The following SAMTOR variants were observed in gnomAD, a reference collection of about 807,000 sequenced individuals.
The protein encoded by SAMTOR is S-adenosylmethionine sensor upstream of mTORC1.
the SAMTOR span, among the ~76,000 whole-genome samples, chr7:112,828,398 A>G: frequency 1.3e-5 from 2 of 152,110 alleles, no homozygotes; most frequent in African/African-American, 4.8e-5. Flanking sequence ...TCTTTGGTTT[A>G]TAGATGCATC....
At chr7:112,912,780 AT>A in the SAMTOR span, among the ~76,000 whole-genome samples, 1 of 152,122 alleles carries the variant, frequency 6.6e-6, no homozygotes, top group Non-Finnish European at 1.5e-5. Flanking sequence ...TACATAAAAA[AT>A]GACCTCATGT....
the SAMTOR span, chr7:112,819,422 T>C: frequency 6.6e-6 from 1 of 152,202 alleles, no homozygotes; most frequent in Non-Finnish European, 1.5e-5. Context: ...GGAGTACCCA[T>C]ACAGTATTAG....
chr7:112,835,790 C>T, the SAMTOR span, among the ~76,000 whole-genome samples: 1 of 152,240 alleles, frequency 6.6e-6, no homozygotes, highest in Non-Finnish European at 1.5e-5. Context: ...CCAGCTCCAT[C>T]CATGTTGCTA....
At chr7:112,884,763 G>C in the SAMTOR span, among the ~76,000 whole-genome samples, 3 of 152,178 alleles carry the variant, frequency 2.0e-5, no homozygotes, top group Non-Finnish European at 4.4e-5. Flanking sequence ...GCTGCTGGTG[G>C]ATCTAACCAT....
At chr7:112,852,220 G>A in the SAMTOR span, among the ~76,000 whole-genome samples, 1 of 152,042 alleles carries the variant, frequency 6.6e-6, no homozygotes, top group African/African-American at 2.4e-5. Context: ...ATCAATAAAT[G>A]GCTAAATACA....
chr7:112,858,821 T>G, the SAMTOR span, among the ~76,000 whole-genome samples: 1 of 152,232 alleles, frequency 6.6e-6, no homozygotes, highest in African/African-American at 2.4e-5. Flanking sequence ...GTGATTTTAA[T>G]TTCTGAAAGA....
the SAMTOR span, among the ~76,000 whole-genome samples, chr7:112,825,403 C>G: frequency 1.6e-4 from 24 of 152,242 alleles, no homozygotes; most frequent in African/African-American, 5.5e-4. Flanking sequence ...TTATGAGCTA[C>G]ATATTTCATA....
chr7:112,824,650 C>T, the SAMTOR span, among the ~76,000 whole-genome samples: 4 of 152,236 alleles, frequency 2.6e-5, 1 homozygote, highest in Middle Eastern at 6.8e-3. Context: ...CATGATCCAC[C>T]ACACCCAGCC....
chr7:112,870,185 G>A, the SAMTOR span, among the ~76,000 whole-genome samples: 1 of 152,084 alleles, frequency 6.6e-6, no homozygotes, highest in Non-Finnish European at 1.5e-5. Context: ...ACATACAGAT[G>A]CAGAAATCCA....
chr7:112,900,870 C>T, the SAMTOR span, among the ~76,000 whole-genome samples: 269 of 152,226 alleles, frequency 1.8e-3, 1 homozygote, highest in Non-Finnish European at 3.0e-3. Flanking sequence ...AGATATAGAC[C>T]TTACACCTTT....
At chr7:112,937,471 A>G in the SAMTOR span, among the ~76,000 whole-genome samples, 1 of 152,160 alleles carries the variant, frequency 6.6e-6, no homozygotes, top group East Asian at 1.9e-4. Flanking sequence ...CCATCAGCAC[A>G]ATACTAAGTC....
the SAMTOR span, among the ~76,000 whole-genome samples, chr7:112,849,081 GTAC>G: frequency 0.011 from 1,616 of 150,416 alleles, 30 homozygotes; most frequent in African/African-American, 0.037. Context: ...AAATTATTTA[GTAC>G]TACTTTTTTC....
the SAMTOR span, among the ~76,000 whole-genome samples, chr7:112,922,408 T>G: frequency 6.7e-6 from 1 of 148,982 alleles, no homozygotes; most frequent in Non-Finnish European, 1.5e-5. Context: ...CGTCTCTGCC[T>G]GGCCGCCCAT....
At chr7:112,893,653 C>T in the SAMTOR span, among the ~76,000 whole-genome samples, 1 of 152,198 alleles carries the variant, frequency 6.6e-6, no homozygotes, top group African/African-American at 2.4e-5. Flanking sequence ...ATAATTTTTC[C>T]TTCACTTTGG....
the SAMTOR span, among the ~76,000 whole-genome samples, chr7:112,858,485 AT>A: frequency 3.8e-4 from 57 of 151,926 alleles, no homozygotes; most frequent in Non-Finnish European, 6.3e-4. Context: ...ATTACAGAAT[AT>A]TTTTTAAATT....
chr7:112,846,604 A>G, the SAMTOR span, among the ~76,000 whole-genome samples: 1 of 152,212 alleles, frequency 6.6e-6, no homozygotes, highest in Non-Finnish European at 1.5e-5. Context: ...GGTTCATTTC[A>G]CACAGAAAAG....
the SAMTOR span, among the ~76,000 whole-genome samples, chr7:112,902,442 A>C: frequency 3.7e-5 from 5 of 134,212 alleles, no homozygotes; most frequent in South Asian, 2.4e-4. Context: ...AAAAAAACAA[A>C]AAAAAACAAA....
At chr7:112,827,115 C>T in the SAMTOR span, among the ~76,000 whole-genome samples, 1 of 152,116 alleles carries the variant, frequency 6.6e-6, no homozygotes, top group East Asian at 1.9e-4. Context: ...TTAATGTAGC[C>T]ATGCCAGCTT....
the SAMTOR span, among the ~76,000 whole-genome samples, chr7:112,912,119 T>C: frequency 0.032 from 4,918 of 152,074 alleles, 131 homozygotes; most frequent in Non-Finnish European, 0.05. Flanking sequence ...ATTAGATTAC[T>C]GTTAACTGTC....
Sources: gnomAD v4.1 joint callset for allele counts (sites outside exome capture counted in the v4.1 genomes callset) on GRCh38, gnomAD v4.1.1 for gene constraint, MANE v1.5 for transcripts, NCBI Gene and HGNC (gene_info 2026-07-23, HGNC 2026-07-21) for gene names.